Variants in PLEKHJ1 observed in about 807,000 individuals in gnomAD.
The protein encoded by PLEKHJ1 is pleckstrin homology domain containing J1.
PLEKHJ1 carries 20 observed loss-of-function variants against 21.7 expected under a neutral mutation model. The ratio of observed to expected loss-of-function variants is 0.92; its 90% confidence interval spans 0.65 to 1.34. The LOEUF is 1.34. Ranked by LOEUF, PLEKHJ1 falls within the 40% of genes most tolerant of loss-of-function variation. PLEKHJ1 has a pLI of 0.00. For missense variants in PLEKHJ1, 241 were observed against 202.0 expected (o/e 1.19, Z -1.17); for synonymous variants, 113 against 80.6 (o/e 1.40, Z -2.15).
intron 1 of PLEKHJ1, 55 bp from the exon 2 acceptor site, chr19:2,236,045 C>T (rs2024801604): frequency 2.7e-6 from 4 of 1,505,120 alleles, no homozygotes; most frequent in Middle Eastern, 2.1e-4. Flanking sequence ...GGACCCCGGC[C>T]TCCCGTCCCC....
At chr19:2,232,233 C>T (rs561242057), downstream of PLEKHJ1, 2 of 219,322 alleles carry the variant, frequency 9.1e-6, no homozygotes, top group Non-Finnish European at 1.8e-5. Flanking sequence ...ACTAGGATAC[C>T]CCCTCCTCGG....
At chr19:2,235,415 C>T in intron 3 of PLEKHJ1, 1 of 271,764 alleles carries the variant, frequency 3.7e-6, no homozygotes, top group East Asian at 6.7e-5. Context: ...GATTTCCAGC[C>T]CGGGGCCATA....
downstream of PLEKHJ1, chr19:2,231,502 A>AACAACCTCTCAGACCC: frequency 6.3e-6 from 1 of 157,818 alleles, no homozygotes; most frequent in Non-Finnish European, 1.3e-5. Context: ...CCCAGCCCCC[A>AACAACCTCTCAGACCC]ACAACCTCTC....
chr19:2,232,470 G>A (rs895501580), downstream of PLEKHJ1: 16 of 222,282 alleles, frequency 7.2e-5, no homozygotes, highest in Non-Finnish European at 9.9e-5. Flanking sequence ...TGGATTGCGC[G>A]CATTGTCACG....
At chr19:2,230,487 G>A (rs1046418495), downstream of PLEKHJ1, 11 of 399,098 alleles carry the variant, frequency 2.8e-5, no homozygotes, top group Admixed American at 1.3e-4. Context: ...TGTGCTGCGC[G>A]ATGGTGCTGT....
At chr19:2,230,688 T>C (rs2024562372), downstream of PLEKHJ1, 2 of 398,018 alleles carry the variant, frequency 5.0e-6, no homozygotes, top group South Asian at 1.4e-4. Flanking sequence ...ATTTCATAGA[T>C]TTGACAGCTT....
In PLEKHJ1 at chr19:2,235,761, CT is replaced by C; in HGVS notation, c.229del (p.Ser77AlafsTer49). The C allele has an allele frequency of 1.3e-6, 2 of 1,548,724 alleles. No individual in the cohort carries two copies. The highest frequency in any genetic ancestry group is 2.0e-5 in the Admixed American group (1 of 50,990). On this transcript the variant is annotated frameshift_variant and splice_region_variant, in exon 3 of 6. Transcript: ENST00000326631. LOFTEE classifies it high-confidence loss of function. Reference protein sequence around the residue: ...VREEPGTFSISFIEDPERKYH... With the variant: ...VREEPGTFSIXFIEDPERKYH... Reference sequence around the variant, plus strand: ...CCGCTGGCTTCCCTAGCCCCACTCACTGATGGAGAAGGTGCCGGGCTCTTCC... The same window carrying C: ...CCGCTGGCTTCCCTAGCCCCACTCACGATGGAGAAGGTGCCGGGCTCTTCC...
chr19:2,236,293 C>T lies in PLEKHJ1; in HGVS notation c.-45G>A, dbSNP rs1487095428. The T allele has an allele frequency of 5.0e-5, 62 of 1,240,102 alleles. No homozygotes were observed. The highest frequency in any genetic ancestry group is 6.4e-5 in the Non-Finnish European group (61 of 959,718). 76.8% of individuals were successfully genotyped at this position (1,240,102 alleles called of 1,614,324 possible). On this transcript the variant is annotated 5_prime_UTR_variant, in exon 1 of 6. Coordinates refer to ENST00000326631, the MANE Select transcript of PLEKHJ1 (RefSeq NM_018049.3). ...ACCCGGGCCGCGCCCTCCCGGCCGC[C>T]GTCCCCGCTCAGGCTGGGGCCGGCG...
intron 3 of PLEKHJ1, chr19:2,235,558 G>C (rs972703486): frequency 1.7e-6 from 1 of 591,372 alleles, no homozygotes; most frequent in Non-Finnish European, 3.0e-6. Flanking sequence ...CCAAGCTTAA[G>C]TGGACTCGGC....
downstream of PLEKHJ1, chr19:2,230,504 GGC>G (rs1197390094): frequency 5.0e-6 from 2 of 398,734 alleles, no homozygotes; most frequent in Non-Finnish European, 8.8e-6. Flanking sequence ...CTGTGAGGAC[GGC>G]GCGGGCACGT....
rs2024688143 is a variant in PLEKHJ1, at chr19:2,233,713, G to C, written c.*127C>G. ...GTGGCACCACTGCACTCTAGCCTGG[G>C]CAACACAGTGAAACCCTGACCCAAA... On this transcript the variant is annotated 3_prime_UTR_variant, in exon 6 of 6. Coordinates refer to ENST00000326631, the MANE Select transcript of PLEKHJ1 (RefSeq NM_018049.3). The C allele has an allele frequency of 3.7e-6, 3 of 810,528 alleles. No individual in the cohort carries two copies. The highest frequency in any genetic ancestry group is 5.9e-6 in the Non-Finnish European group (3 of 508,172). 50.2% of individuals were successfully genotyped at this position (810,528 alleles called of 1,614,324 possible). A position where few individuals can be genotyped will look rare whatever the true frequency, so the allele number is the denominator to read the frequency against.
downstream of PLEKHJ1, chr19:2,232,446 G>A (rs1034813777): frequency 9.1e-6 from 2 of 220,502 alleles, no homozygotes; most frequent in East Asian, 1.3e-4. Flanking sequence ...CGTGTCTTCC[G>A]GGTGAACTGT....
At chr19:2,233,971 C>G (rs2024700125) in intron 5 of PLEKHJ1, 27 bp downstream of exon 5, 3 of 1,612,034 alleles carry the variant, frequency 1.9e-6, no homozygotes, top group East Asian at 2.2e-5. Context: ...GCAGCCCCAC[C>G]CCGGCCCTCT....
At chr19:2,235,257 G>A (rs2024758404) in intron 3 of PLEKHJ1, 1 of 153,714 alleles carries the variant, frequency 6.5e-6, no homozygotes, top group Admixed American at 6.5e-5. Flanking sequence ...GAACTGTAGA[G>A]AATGTTTCTG....
chr19:2,231,213 G>C (rs1304375239), downstream of PLEKHJ1: 3 of 228,234 alleles, frequency 1.3e-5, no homozygotes, highest in Non-Finnish European at 2.6e-5. Context: ...TCTGGCCCTG[G>C]GCTGTGTGGC....
Position 2,234,022 on chromosome 19 carries a change from G to A in PLEKHJ1, c.360C>T (p.Asn120=), listed in dbSNP as rs749339232. Residue 120 remains asparagine (N), a synonymous_variant, in exon 5 of 6, where the codon AAC becomes AAT. Transcript: ENST00000326631. Reference sequence around the variant, plus strand: ...CCTTGCCCGTCACCTTCCGGATTTCGTTCCTGTAGAAGATGAGGCTTCTCC... The same window carrying A: ...CCTTGCCCGTCACCTTCCGGATTTCATTCCTGTAGAAGATGAGGCTTCTCC... ...FMRRSLIFYR[N]EIRKVTGKDP... 17 of 1,613,300 alleles carry A rather than the reference G, an allele frequency of 1.1e-5. No individual in the cohort carries two copies. Among genetic ancestry groups the A allele is most frequent in the South Asian group, 7.7e-5 (7 of 91,092 alleles).
At chr19:2,231,924 C>T (rs1344405691), downstream of PLEKHJ1, 1 of 216,906 alleles carries the variant, frequency 4.6e-6, no homozygotes, top group Non-Finnish European at 9.3e-6. Context: ...CAGAAGTCTC[C>T]TTGAGCCCAC....
rs1384348377 is a variant in PLEKHJ1 at position 2,233,505 on chromosome 19, A to G, written c.*335T>C. The G allele has an allele frequency of 1.1e-5, 4 of 374,824 alleles. No individual in the cohort carries two copies. Among genetic ancestry groups the G allele is most frequent in the African/African-American group, 8.3e-5 (4 of 48,332 alleles). 23.2% of individuals were successfully genotyped at this position (374,824 alleles called of 1,614,324 possible). A position where few individuals can be genotyped will look rare whatever the true frequency, so the allele number is the denominator to read the frequency against. On this transcript the variant is annotated 3_prime_UTR_variant, in exon 6 of 6. Transcript: ENST00000326631. ...AGCGCAGCTTGCTGGGCAGTTTCAT[A>G]AAATGCAGCCCCTGCCCACACCCAC... is the stretch of plus-strand genomic sequence containing the variant.
chr19:2,231,798 G>A (rs955677282), downstream of PLEKHJ1: 3 of 217,000 alleles, frequency 1.4e-5, no homozygotes, highest in African/African-American at 6.8e-5. Flanking sequence ...CCCTCTAGGT[G>A]ACAGTGGCAG....
Sources: allele counts gnomAD v4.1 joint callset, GRCh38; gene constraint gnomAD v4.1.1; transcripts MANE v1.5; gene names NCBI Gene and HGNC (gene_info 2026-07-23, HGNC 2026-07-21).